Variants in FBXO16 observed in about 807,000 individuals in gnomAD.
FBXO16 encodes the protein F-box protein 16, also known as F-box only protein 16.
A neutral mutation model predicts 41.0 loss-of-function variants in FBXO16; 31 were observed. The ratio of observed to expected loss-of-function variants is 0.76; its 90% CI spans 0.57 to 1.02. The LOEUF (loss-of-function observed/expected upper bound fraction) is 1.02. Ranked by LOEUF, FBXO16 falls within the 50% of genes least tolerant of loss-of-function variation. The pLI is 0.00. For synonymous variants in FBXO16, 133 were observed against 117.8 expected (o/e 1.13, Z -0.84); for missense variants, 361 against 346.2 (o/e 1.04, Z -0.34).
chr8:28,481,690 G>A (rs1803515713), intron 2 of FBXO16, among the ~76,000 whole-genome samples: 2 of 151,804 alleles, frequency 1.3e-5, no homozygotes, highest in Admixed American at 6.6e-5. Flanking sequence ...TGCGCCTGTA[G>A]TCCCAGCTAC....
intron 3 of FBXO16, among the ~76,000 whole-genome samples, chr8:28,472,829 G>A (rs902695394): frequency 2.0e-4 from 30 of 152,212 alleles, no homozygotes; most frequent in African/African-American, 6.0e-4. Flanking sequence ...CAATGAGGAG[G>A]AAGGTGCTAG....
At chr8:28,470,123 G>A (rs926871981) in intron 3 of FBXO16, among the ~76,000 whole-genome samples, 5 of 151,718 alleles carry the variant, frequency 3.3e-5, no homozygotes, top group African/African-American at 1.2e-4. Context: ...GAACCCAGGA[G>A]GCGGAGCTTG....
intron 3 of FBXO16, among the ~76,000 whole-genome samples, chr8:28,471,783 G>C (rs987298606): frequency 5.1e-5 from 3 of 58,948 alleles, no homozygotes; most frequent in South Asian, 5.7e-4. Flanking sequence ...TTACTCTCTT[G>C]AAGAAAGAAA....
At position 28,463,838 on chromosome 8, in the gene FBXO16, C is replaced by T. The variant is rs183063119; in HGVS notation, c.136-20G>A. ...GTCAAACTGGAAACACAAAACAAAGCAAAATGTAAAAAGCTCCAGGTTTAG... is the reference window on the plus strand; with the variant it reads ...GTCAAACTGGAAACACAAAACAAAGTAAAATGTAAAAAGCTCCAGGTTTAG... On this transcript the variant is annotated intron_variant, in intron 3 of 8. Transcript: ENST00000380254. 9.8e-5 allele frequency: 157 copies of T among 1,609,910 alleles called. No homozygotes were observed. The highest frequency in any genetic ancestry group is 1.1e-4 in the Non-Finnish European group (132 of 1,178,914).
intron 2 of FBXO16, among the ~76,000 whole-genome samples, chr8:28,475,940 A>T (rs1251658403): frequency 6.6e-6 from 1 of 152,208 alleles, no homozygotes; most frequent in African/African-American, 2.4e-5. Context: ...CAGATATTTT[A>T]AAAATCCCTG....
rs1376129181 is a variant in FBXO16 at position 28,473,649 on chromosome 8, A to G, written c.135+123T>C. The G allele has an allele frequency of 3.6e-6, 3 of 841,484 alleles. No homozygotes were observed. In the East Asian group the frequency reaches 7.7e-5, roughly 22 times the overall value. 52.1% of individuals were successfully genotyped at this position (841,484 alleles called of 1,614,324 possible). A position where few individuals can be genotyped will look rare whatever the true frequency, so the allele number is the denominator to read the frequency against. On this transcript the variant is annotated intron_variant, in intron 3 of 8. Transcript: ENST00000380254. The stretch of plus-strand genomic sequence containing the variant: ...CAAATGTCTGGGTTTTTTTCTTTCT[A>G]TCCAAGTTGAGTAAAATATGTCTGT...
chr8:28,474,225 G>A (rs570936807), intron 2 of FBXO16, among the ~76,000 whole-genome samples: 23 of 150,140 alleles, frequency 1.5e-4, no homozygotes, highest in Non-Finnish European at 2.4e-4. Context: ...GGCTGAAGTG[G>A]GAGGATCGCT....
At chr8:28,484,319 C>T (rs1402617080) in intron 1 of FBXO16, among the ~76,000 whole-genome samples, 2 of 152,150 alleles carry the variant, frequency 1.3e-5, no homozygotes, top group African/African-American at 4.8e-5. Flanking sequence ...GAAGAGGTAG[C>T]ATGGTGGGAG....
chr8:28,484,307 T>C (rs962722830), intron 1 of FBXO16, among the ~76,000 whole-genome samples: 1 of 152,238 alleles, frequency 6.6e-6, no homozygotes, highest in African/African-American at 2.4e-5. Context: ...TGACAGCGTA[T>C]TGAAGAGGTA....
chr8:28,443,192 A>G (rs571920290), intron 7 of FBXO16, among the ~76,000 whole-genome samples: 1 of 151,926 alleles, frequency 6.6e-6, no homozygotes, highest in South Asian at 2.1e-4. Context: ...CAGCTAATTA[A>G]AAAATGTTTT....
intron 2 of FBXO16, among the ~76,000 whole-genome samples, chr8:28,477,214 C>A (rs1454479648): frequency 6.6e-6 from 1 of 151,990 alleles, no homozygotes; most frequent in East Asian, 1.9e-4. Flanking sequence ...AAGATAGTTA[C>A]ATATTTCACA....
At chr8:28,447,327 T>A in intron 6 of FBXO16, 54 bp from the exon 7 acceptor site, 1 of 1,431,870 alleles carries the variant, frequency 7.0e-7, no homozygotes, top group South Asian at 1.2e-5. Flanking sequence ...AAAACTCAGG[T>A]GGTTTGCATA....
At chr8:28,450,629 G>A (rs1333043197) in intron 6 of FBXO16, among the ~76,000 whole-genome samples, 1 of 152,110 alleles carries the variant, frequency 6.6e-6, no homozygotes. Flanking sequence ...CAGTCTCTCT[G>A]GCTTGCTCCA....
At chr8:28,483,129 C>T (rs992277049) in intron 2 of FBXO16, among the ~76,000 whole-genome samples, 1 of 152,048 alleles carries the variant, frequency 6.6e-6, no homozygotes, top group Non-Finnish European at 1.5e-5. Flanking sequence ...AAGAACAAAT[C>T]CAAGACATTT....
At chr8:28,475,275 T>C (rs954732096) in intron 2 of FBXO16, among the ~76,000 whole-genome samples, 6 of 152,192 alleles carry the variant, frequency 3.9e-5, no homozygotes, top group Non-Finnish European at 7.3e-5. Context: ...AAAATAGGAA[T>C]TGAAATAACT....
intron 3 of FBXO16, among the ~76,000 whole-genome samples, chr8:28,472,466 G>T (rs1232524987): frequency 6.6e-6 from 1 of 152,146 alleles, no homozygotes; most frequent in Non-Finnish European, 1.5e-5. Flanking sequence ...CTGGGCATGT[G>T]GTTCGCACCT....
At chr8:28,441,717 CA>C (rs1802779017) in intron 7 of FBXO16, among the ~76,000 whole-genome samples, 1 of 110,298 alleles carries the variant, frequency 9.1e-6, no homozygotes, top group Non-Finnish European at 1.8e-5. Context: ...GCCTGGGCAA[CA>C]AGAGTGAAAC....
intron 6 of FBXO16, among the ~76,000 whole-genome samples, chr8:28,448,357 A>AAAAAAAAG (rs1401076051): frequency 2.0e-5 from 3 of 150,976 alleles, no homozygotes; most frequent in Non-Finnish European, 3.0e-5. Flanking sequence ...AAAAAAAAAA[A>AAAAAAAAG]AAAGAAAGAA....
chr8:28,458,678 G>A lies in FBXO16; in HGVS notation c.343-1748C>T, dbSNP rs553058592. The stretch of plus-strand genomic sequence containing the variant: ...AGCGATTCTCCTGCCTCAGCCTCCC[G>A]AGTAGCTGGGATTACAGGCATGCGC... On this transcript the variant is annotated intron_variant, in intron 4 of 8. Coordinates refer to ENST00000380254, the MANE Select transcript of FBXO16 (RefSeq NM_172366.4). Among the ~76,000 whole-genome samples the A allele has an allele frequency of 3.3e-5, 5 of 150,692 alleles. No individual in the cohort carries two copies. The South Asian group carries it at 8.4e-4, about 25-fold the overall frequency.
Sources: gnomAD v4.1 joint callset for allele counts (sites outside exome capture counted in the v4.1 genomes callset) on GRCh38, gnomAD v4.1.1 for gene constraint, MANE v1.5 for transcripts, NCBI Gene and HGNC (gene_info 2026-07-23, HGNC 2026-07-21) for gene names.